PPP2R2C: variants seen among roughly 807,000 people sequenced by gnomAD.
PPP2R2C encodes protein phosphatase 2, regulatory subunit B, gamma.
Under a neutral mutation model 45.3 loss-of-function variants are expected in PPP2R2C, and 10 were observed. The ratio of observed to expected loss-of-function variants is 0.22; its 90% CI spans 0.14 to 0.37. PPP2R2C has a LOEUF of 0.37. Ranked by LOEUF, PPP2R2C falls within the 10% of genes least tolerant of loss-of-function variation. The pLI, the probability that PPP2R2C is intolerant of heterozygous loss-of-function variation, is 1.00. For missense variants in PPP2R2C, 308 were observed against 619.7 expected (o/e 0.50, Z 5.34); for synonymous variants, 257 against 245.4 (o/e 1.05, Z -0.44).
intron 2 of PPP2R2C, among the ~76,000 whole-genome samples, chr4:6,525,343 T>C (rs1021839451): frequency 6.6e-6 from 1 of 152,130 alleles, no homozygotes; most frequent in Non-Finnish European, 1.5e-5. Flanking sequence ...AGGCTCAGGT[T>C]GCAGTGAGGC....
At chr4:6,448,878 G>A (rs1028473731) in intron 1 of PPP2R2C, among the ~76,000 whole-genome samples, 1 of 152,190 alleles carries the variant, frequency 6.6e-6, no homozygotes, top group African/African-American at 2.4e-5. Flanking sequence ...CTGAACTCCG[G>A]GCGGGGGCTG....
intron 1 of PPP2R2C, among the ~76,000 whole-genome samples, chr4:6,431,887 C>T (rs532116542): frequency 2.0e-5 from 3 of 152,268 alleles, no homozygotes; most frequent in East Asian, 1.9e-4. Context: ...TCTCACAGTT[C>T]TAGAGGCTGG....
chr4:6,381,622 G>A, intron 1 of PPP2R2C: 1 of 1,489,088 alleles, frequency 6.7e-7, no homozygotes, highest in Non-Finnish European at 8.9e-7. Flanking sequence ...CCTGCTCTGT[G>A]GCCCCACCTC....
intron 2 of PPP2R2C, among the ~76,000 whole-genome samples, chr4:6,512,170 A>ATAG (rs1723609967): frequency 4.6e-5 from 1 of 21,692 alleles, no homozygotes; most frequent in African/African-American, 2.3e-4. Flanking sequence ...GATGGTGGTG[A>ATAG]TGGTGCTGAT....
intron 2 of PPP2R2C, among the ~76,000 whole-genome samples, chr4:6,502,329 C>T (rs1269332692): frequency 6.6e-6 from 1 of 152,154 alleles, no homozygotes; most frequent in Non-Finnish European, 1.5e-5. Context: ...TTAAAAGAAA[C>T]AAGCGAATCT....
intron 1 of PPP2R2C, among the ~76,000 whole-genome samples, chr4:6,453,680 T>C (rs989233039): frequency 5.3e-5 from 8 of 152,110 alleles, no homozygotes; most frequent in African/African-American, 1.4e-4. Flanking sequence ...ACAAACAAGA[T>C]GATGGGGAGG....
intron 2 of PPP2R2C, among the ~76,000 whole-genome samples, chr4:6,533,403 G>C (rs918328522): frequency 6.6e-6 from 1 of 152,120 alleles, no homozygotes; most frequent in Non-Finnish European, 1.5e-5. Flanking sequence ...AGTCCCTTCT[G>C]TAATTCCTCA....
intron 5 of PPP2R2C, among the ~76,000 whole-genome samples, chr4:6,370,982 T>C (rs1398194171): frequency 6.6e-6 from 1 of 152,204 alleles, no homozygotes; most frequent in Non-Finnish European, 1.5e-5. Flanking sequence ...CTCTGGGCAC[T>C]CCATGCCTTT....
intron 1 of PPP2R2C, among the ~76,000 whole-genome samples, chr4:6,561,462 C>T (rs941054683): frequency 1.3e-5 from 2 of 148,280 alleles, no homozygotes; most frequent in African/African-American, 4.9e-5. Flanking sequence ...GGTCCTGGGT[C>T]GGAAGGAGGT....
chr4:6,478,927 A>G (rs1351020885), intron 2 of PPP2R2C, among the ~76,000 whole-genome samples: 1 of 152,164 alleles, frequency 6.6e-6, no homozygotes, highest in Non-Finnish European at 1.5e-5. Context: ...CTCACTCTAC[A>G]GCGTCGCTGG....
intron 2 of PPP2R2C, among the ~76,000 whole-genome samples, chr4:6,481,966 G>A (rs111842568): frequency 0.034 from 3,845 of 113,502 alleles, 194 homozygotes; most frequent in African/African-American, 0.12. Flanking sequence ...GTGACAGAGC[G>A]AGACTCCGTC....
intron 2 of PPP2R2C, among the ~76,000 whole-genome samples, chr4:6,486,019 G>A (rs1722517278): frequency 6.6e-6 from 1 of 151,838 alleles, no homozygotes; most frequent in African/African-American, 2.4e-5. Context: ...CAATATACAT[G>A]TTTAGTGCTG....
chr4:6,418,182 C>A (rs1020389923), intron 1 of PPP2R2C, among the ~76,000 whole-genome samples: 1 of 152,154 alleles, frequency 6.6e-6, no homozygotes, highest in Non-Finnish European at 1.5e-5. Context: ...TGGACATGAA[C>A]TGCTCTGCAA....
intron 2 of PPP2R2C, among the ~76,000 whole-genome samples, chr4:6,521,478 C>A (rs1378823613): frequency 6.6e-6 from 1 of 152,236 alleles, no homozygotes; most frequent in African/African-American, 2.4e-5. Context: ...CCCCTCAAGG[C>A]CCTAACAAGG....
intron 1 of PPP2R2C, chr4:6,384,970 G>A: frequency 3.6e-6 from 2 of 550,644 alleles, no homozygotes; most frequent in Non-Finnish European, 4.6e-6. Flanking sequence ...TTATGGTGGA[G>A]CCTTCCCAGG....
At chr4:6,535,450 T>C (rs1215365604) in intron 1 of PPP2R2C, 2 of 1,025,742 alleles carry the variant, frequency 1.9e-6, no homozygotes, top group Admixed American at 4.8e-5. Flanking sequence ...ACACACCACA[T>C]GCAACGCGAG....
rs116384917 is a variant in PPP2R2C, at chr4:6,326,804, G to A, written c.1052+2458C>T. Among the ~76,000 whole-genome samples, 569 of 152,350 alleles carry A rather than the reference G, an allele frequency of 3.7e-3. 3 individuals are homozygous for A. The highest frequency in any genetic ancestry group is 0.014 in the Middle Eastern group (4 of 294). ...CACGCTGCCCATCTGCGTTCTGCCG[G>A]TGCTAGGAAGCCCCACGGCAGGGGC... is the stretch of plus-strand genomic sequence containing the variant. On this transcript the variant is annotated intron_variant, in intron 8 of 8. Transcript: ENST00000382599.
At chr4:6,403,423 C>T (rs1245483530) in intron 1 of PPP2R2C, among the ~76,000 whole-genome samples, 1 of 152,168 alleles carries the variant, frequency 6.6e-6, no homozygotes, top group Admixed American at 6.5e-5. Flanking sequence ...AAACCGAAAT[C>T]GCACTTCAAT....
chr4:6,386,777 G>A (rs566413860), intron 1 of PPP2R2C, among the ~76,000 whole-genome samples: 69 of 152,302 alleles, frequency 4.5e-4, no homozygotes, highest in Non-Finnish European at 3.7e-4. Context: ...TGTGCTGGCC[G>A]CTGCAATTAG....
Sources: allele counts gnomAD v4.1 joint callset (sites outside exome capture counted in the v4.1 genomes callset), GRCh38; gene constraint gnomAD v4.1.1; transcripts MANE v1.5; gene names NCBI Gene and HGNC (gene_info 2026-07-23, HGNC 2026-07-21).